Variants in C11orf65 observed in about 807,000 individuals in gnomAD.
C11orf65 encodes chromosome 11 open reading frame 65.
C11orf65 carries 38 observed loss-of-function variants against 35.3 expected under a neutral mutation model. The ratio of observed to expected loss-of-function variants is 1.08; its 90% confidence interval spans 0.83 to 1.41. The LOEUF (loss-of-function observed/expected upper bound fraction) is 1.41. Ranked by LOEUF, C11orf65 falls within the 40% of genes most tolerant of loss-of-function variation. The pLI is 0.00. For missense variants in C11orf65, 370 were observed against 367.1 expected (o/e 1.01, Z -0.06); for synonymous variants, 105 against 114.4 (o/e 0.92, Z 0.53).
chr11:108,459,024 C>T (rs926152620), intron 2 of C11orf65, among the ~76,000 whole-genome samples: 2 of 152,160 alleles, frequency 1.3e-5, no homozygotes, highest in Admixed American at 6.6e-5. Context: ...TGTTCTCACT[C>T]AGGAGTGGGA....
intron 8 of C11orf65, among the ~76,000 whole-genome samples, chr11:108,385,182 C>G (rs892467979): frequency 2.6e-5 from 4 of 152,120 alleles, no homozygotes; most frequent in African/African-American, 7.2e-5. Flanking sequence ...AAACGATTCT[C>G]TTGCCACAGC....
Position 108,403,409 on chromosome 11 carries a change from G to GTTTTTTTT in C11orf65, c.560+2012_560+2019dup, listed in dbSNP as rs71047691. Among the ~76,000 whole-genome samples the GTTTTTTTT allele has an allele frequency of 7.6e-4, 51 of 67,300 alleles. 5 individuals are homozygous for GTTTTTTTT. The highest frequency in any genetic ancestry group is 2.6e-3 in the East Asian group (4 of 1,548). The allele number at this position is 67,300 out of a possible 152,430, so 44.2% of individuals were successfully genotyped here. A position where few individuals can be genotyped will look rare whatever the true frequency, so the allele number is the denominator to read the frequency against. ...ACTTTAAAATGTGATTGTTTGAGAG[G>GTTTTTTTT]TTTTTTTTTTGTTTTTTTTTTTTTT... On this transcript the variant is annotated intron_variant, in intron 6 of 8. Transcript: ENST00000393084.
At chr11:108,408,717 A>AAAT (rs2092599684) in intron 3 of C11orf65, among the ~76,000 whole-genome samples, 1 of 137,822 alleles carries the variant, frequency 7.3e-6, no homozygotes, top group African/African-American at 2.8e-5. Context: ...ATAAAATAAA[A>AAAT]TAAAATAAAA....
chr11:108,421,158 A>G (rs1469171549), intron 3 of C11orf65, among the ~76,000 whole-genome samples: 1 of 152,094 alleles, frequency 6.6e-6, no homozygotes, highest in African/African-American at 2.4e-5. Context: ...AGACATGTCC[A>G]TGTATCTTTC....
At chr11:108,432,868 A>G (rs1321782914) in intron 2 of C11orf65, among the ~76,000 whole-genome samples, 2 of 152,220 alleles carry the variant, frequency 1.3e-5, no homozygotes, top group African/African-American at 2.4e-5. Context: ...GGTGGTTACT[A>G]TATCAGTTGT....
chr11:108,329,415 T>G (rs186591), downstream of C11orf65: 333,749 of 608,632 alleles, frequency 0.55, 92,463 homozygotes, highest in Middle Eastern at 0.71. Flanking sequence ...TGTTTTTTGT[T>G]TTTTTTTTTG....
At chr11:108,359,825 A>T (rs1419355148) in intron 2 of C11orf65, among the ~76,000 whole-genome samples, 1 of 152,196 alleles carries the variant, frequency 6.6e-6, no homozygotes, top group Admixed American at 6.5e-5. Context: ...ATAGCACTAA[A>T]TGCCCACAAG....
At position 108,408,692 on chromosome 11, in the gene C11orf65, A is replaced by ATAAAATAAAATAAAAAAT. The variant is rs1489176290; in HGVS notation, c.175-1544_175-1543insATTTTTTATTTTATTTTA. ...GTCTCAATAAATAAAATAAAATAAA[A>ATAAAATAAAATAAAAAAT]TAAAATAAAATAAAATAAAATAAAA... On this transcript the variant is annotated intron_variant, in intron 3 of 8. Transcript: ENST00000393084. Among the ~76,000 whole-genome samples, 898 of 99,182 alleles carry ATAAAATAAAATAAAAAAT rather than the reference A, an allele frequency of 9.1e-3. 1 individual carries two copies. Among genetic ancestry groups the ATAAAATAAAATAAAAAAT allele is most frequent in the East Asian group, 0.017 (70 of 4,146 alleles). The allele number at this position is 99,182 out of a possible 152,430, so 65.1% of individuals were successfully genotyped here. A position where few individuals can be genotyped will look rare whatever the true frequency, so the allele number is the denominator to read the frequency against.
Position 108,353,805 on chromosome 11 carries a change from A to G in C11orf65, c.227-18513T>C, listed in dbSNP as rs786202826. On this transcript the variant is annotated intron_variant, in intron 2 of 3. Transcript: ENST00000524755. ...CAGGGCAAAATCCTTCCTACTCCTG[A>G]GACAGTTCCTTTTAGACTCACCAGA... is the stretch of plus-strand genomic sequence containing the variant. 6.2e-7 allele frequency: 1 copy of G among 1,614,112 alleles called. No homozygotes were observed. Among genetic ancestry groups the G allele is most frequent in the Middle Eastern group, 1.7e-4 (1 of 6,060 alleles).
rs193278031 is a variant in C11orf65, at chr11:108,363,425, G to T, written c.227-28133C>A. 3.0e-3 allele frequency among the ~76,000 whole-genome samples: 456 copies of T among 152,190 alleles called. 13 individuals carry two copies. The highest frequency in any genetic ancestry group is 7.1e-4 in the Non-Finnish European group (48 of 68,006). ...ACCATTCTCTCCTCTAAGATTTTAT[G>T]TGTTATGCTAAGGAAATATATCTCT... On this transcript the variant is annotated intron_variant, in intron 2 of 3. Coordinates refer to the C11orf65 transcript ENST00000524755.
At chr11:108,405,585 C>G (rs368769546) in intron 5 of C11orf65, 26 bp from the exon 6 acceptor site, 1 of 1,607,886 alleles carries the variant, frequency 6.2e-7, no homozygotes, top group Non-Finnish European at 8.5e-7. Context: ...AATGAACATA[C>G]AAAATGTTGA....
At chr11:108,375,674 A>G (rs1346046708) in intron 2 of C11orf65, among the ~76,000 whole-genome samples, 5 of 152,340 alleles carry the variant, frequency 3.3e-5, no homozygotes, top group African/African-American at 9.6e-5. Context: ...TGCTCCAATT[A>G]AAAGACACAG....
rs1409265866 is a variant in C11orf65, at chr11:108,347,283, T to C, written c.227-11991A>G. On this transcript the variant is annotated intron_variant, in intron 2 of 3. Transcript: ENST00000524755. ...GTTTGTTTCTTTTTTCTCCAGTTGGTTACATACTTGGACTTGGTGATAGAC... is the reference window on the plus strand; with the variant it reads ...GTTTGTTTCTTTTTTCTCCAGTTGGCTACATACTTGGACTTGGTGATAGAC... The C allele has an allele frequency of 1.9e-6, 3 of 1,606,354 alleles. No homozygotes were observed. The highest frequency in any genetic ancestry group is 2.6e-6 in the Non-Finnish European group (3 of 1,173,254).
At chr11:108,438,017 A>G (rs1185188774) in intron 2 of C11orf65, among the ~76,000 whole-genome samples, 1 of 152,208 alleles carries the variant, frequency 6.6e-6, no homozygotes, top group Non-Finnish European at 1.5e-5. Flanking sequence ...CTAAAGCTAC[A>G]ATAATCAAAA....
At chr11:108,315,971 G>A (rs778590586) in intron 6 of C11orf65, 16 of 1,609,740 alleles carry the variant, frequency 9.9e-6, no homozygotes, top group Non-Finnish European at 1.4e-5. Context: ...AGTTATGTGT[G>A]TGTAAAACCC....
chr11:108,416,675 A>AAAC (rs199736195), intron 3 of C11orf65, among the ~76,000 whole-genome samples: 5 of 152,162 alleles, frequency 3.3e-5, no homozygotes, highest in Admixed American at 1.3e-4. Context: ...CTCCGTGTCA[A>AAAC]AACAACAACA....
intron 2 of C11orf65, among the ~76,000 whole-genome samples, chr11:108,356,469 G>T (rs894908030): frequency 2.0e-5 from 3 of 151,200 alleles, no homozygotes; most frequent in Admixed American, 2.0e-4. Context: ...CCAGGAGGTG[G>T]AGGTTGTAGT....
chr11:108,369,673 A>G (rs920704046), intron 2 of C11orf65, among the ~76,000 whole-genome samples: 3 of 152,212 alleles, frequency 2.0e-5, no homozygotes, highest in Admixed American at 6.5e-5. Flanking sequence ...AAAGTACAGC[A>G]TACACAGTTT....
At chr11:108,379,069 C>A (rs934587334), downstream of C11orf65, among the ~76,000 whole-genome samples, 171 of 152,102 alleles carry the variant, frequency 1.1e-3, no homozygotes, top group African/African-American at 3.6e-3. Context: ...GTCAGTGTGG[C>A]GATTCCTCGG....
Sources: gnomAD v4.1 joint callset for allele counts (sites outside exome capture counted in the v4.1 genomes callset) on GRCh38, gnomAD v4.1.1 for gene constraint, MANE v1.5 for transcripts, NCBI Gene and HGNC (gene_info 2026-07-23, HGNC 2026-07-21) for gene names.